The following SSBP2 variants were observed in gnomAD, a reference collection of about 807,000 sequenced individuals.
The protein encoded by SSBP2 is single stranded DNA binding protein 2.
SSBP2 carries 17 observed loss-of-function variants against 61.8 expected under a neutral mutation model. The ratio of observed to expected loss-of-function variants is 0.28; its 90% CI spans 0.19 to 0.41. SSBP2 has a LOEUF of 0.41. SSBP2 is among the 10% of genes least tolerant of loss of function. The pLI is 1.00. For missense variants in SSBP2, 310 were observed against 458.7 expected (o/e 0.68, Z 2.96); for synonymous variants, 139 against 141.3 (o/e 0.98, Z 0.12).
chr5:81,458,816 C>T (rs1764342518), intron 10 of SSBP2, among the ~76,000 whole-genome samples: 1 of 152,132 alleles, frequency 6.6e-6, no homozygotes, highest in Non-Finnish European at 1.5e-5. Context: ...AGCCCTAGGT[C>T]TTTGCTAGAA....
chr5:81,443,532 T>C (rs936540272), intron 12 of SSBP2, among the ~76,000 whole-genome samples: 2 of 152,132 alleles, frequency 1.3e-5, no homozygotes, highest in African/African-American at 4.8e-5. Flanking sequence ...CATTATACAG[T>C]TTTCTTAAAT....
intron 1 of SSBP2, among the ~76,000 whole-genome samples, chr5:81,714,589 C>T (rs573498886): frequency 6.6e-6 from 1 of 152,268 alleles, no homozygotes; most frequent in African/African-American, 2.4e-5. Flanking sequence ...TAATGATTGC[C>T]ATTCTAACTG....
chr5:81,443,822 A>C (rs991146798), intron 12 of SSBP2, among the ~76,000 whole-genome samples: 5 of 152,200 alleles, frequency 3.3e-5, no homozygotes, highest in African/African-American at 1.2e-4. Flanking sequence ...TTGGCCTCCC[A>C]AAGTGCTGGG....
At chr5:81,437,335 A>C (rs559737790) in intron 15 of SSBP2, 95 bp downstream of exon 15, 32 of 1,216,318 alleles carry the variant, frequency 2.6e-5, no homozygotes, top group Middle Eastern at 2.1e-4. Context: ...ACTCTTGTTC[A>C]AGAACAAAAT....
intron 4 of SSBP2, among the ~76,000 whole-genome samples, chr5:81,548,151 T>C (rs1561528084): frequency 6.6e-6 from 1 of 152,226 alleles, no homozygotes; most frequent in Non-Finnish European, 1.5e-5. Flanking sequence ...TTGATATTGA[T>C]GGCAGCTGAC....
At chr5:81,493,839 T>C (rs1429452194) in intron 5 of SSBP2, among the ~76,000 whole-genome samples, 1 of 152,120 alleles carries the variant, frequency 6.6e-6, no homozygotes, top group Admixed American at 6.6e-5. Flanking sequence ...CTCAAGTGAT[T>C]ATCCTGCCTT....
intron 12 of SSBP2, among the ~76,000 whole-genome samples, chr5:81,444,982 G>A (rs973678019): frequency 3.3e-5 from 5 of 150,876 alleles, no homozygotes; most frequent in African/African-American, 9.7e-5. Flanking sequence ...AATTAGCCGG[G>A]CATGGTGGCA....
intron 4 of SSBP2, among the ~76,000 whole-genome samples, chr5:81,518,729 T>G (rs140666334): frequency 7.8e-4 from 118 of 152,226 alleles, no homozygotes; most frequent in African/African-American, 2.8e-3. Context: ...CAGTAAAATA[T>G]TTTGGCTATT....
chr5:81,716,273 ATAG>A (rs1253784372), intron 1 of SSBP2, among the ~76,000 whole-genome samples: 2 of 152,176 alleles, frequency 1.3e-5, no homozygotes, highest in East Asian at 3.8e-4. Flanking sequence ...GATAAGGGTA[ATAG>A]TAGCCACTGT....
At chr5:81,558,038 C>T (rs897859906) in intron 4 of SSBP2, among the ~76,000 whole-genome samples, 1 of 152,188 alleles carries the variant, frequency 6.6e-6, no homozygotes, top group Admixed American at 6.5e-5. Flanking sequence ...AGATGGCACT[C>T]AAGCAGCATG....
intron 1 of SSBP2, among the ~76,000 whole-genome samples, chr5:81,750,180 C>A (rs1757634699): frequency 6.6e-6 from 1 of 151,970 alleles, no homozygotes; most frequent in Non-Finnish European, 1.5e-5. Context: ...ACTTTAGCTC[C>A]CCGGGAACTC....
intron 4 of SSBP2, among the ~76,000 whole-genome samples, chr5:81,588,887 A>T (rs1775278843): frequency 6.6e-6 from 1 of 152,088 alleles, no homozygotes; most frequent in Non-Finnish European, 1.5e-5. Context: ...AACGTGATAA[A>T]ACCCTTTCTT....
At chr5:81,653,318 G>A (rs1199828690) in intron 1 of SSBP2, among the ~76,000 whole-genome samples, 1 of 152,176 alleles carries the variant, frequency 6.6e-6, no homozygotes, top group Non-Finnish European at 1.5e-5. Flanking sequence ...CAGTGTATAT[G>A]TGCCACATTT....
At chr5:81,617,144 A>C (rs2153612600) in intron 3 of SSBP2, among the ~76,000 whole-genome samples, 1 of 50,828 alleles carries the variant, frequency 2.0e-5, no homozygotes, top group African/African-American at 8.1e-5. Context: ...TCAGACGATC[A>C]AATTACTCTG....
At chr5:81,482,224 G>A (rs1191057572) in intron 6 of SSBP2, among the ~76,000 whole-genome samples, 2 of 152,136 alleles carry the variant, frequency 1.3e-5, no homozygotes, top group African/African-American at 4.8e-5. Context: ...GATTACAGAT[G>A]TGAGCCACGT....
chr5:81,665,846 T>C (rs145508958), intron 1 of SSBP2, among the ~76,000 whole-genome samples: 40 of 152,310 alleles, frequency 2.6e-4, no homozygotes, highest in African/African-American at 9.6e-4. Flanking sequence ...CTCTTATTCC[T>C]GTATAATTCC....
At chr5:81,738,912 C>G (rs1011142557) in intron 1 of SSBP2, among the ~76,000 whole-genome samples, 1 of 152,066 alleles carries the variant, frequency 6.6e-6, no homozygotes, top group African/African-American at 2.4e-5. Flanking sequence ...CGTCTGTAAT[C>G]CCAGCACTTT....
intron 1 of SSBP2, among the ~76,000 whole-genome samples, chr5:81,707,218 T>C (rs1754456708): frequency 6.6e-6 from 1 of 151,998 alleles, no homozygotes; most frequent in Admixed American, 6.6e-5. Context: ...TACTAAAAGG[T>C]AAATGTTATA....
chr5:81,509,256 G>T (rs1268220270), intron 5 of SSBP2, among the ~76,000 whole-genome samples: 2 of 152,088 alleles, frequency 1.3e-5, no homozygotes, highest in African/African-American at 4.8e-5. Flanking sequence ...GCCTTGTACT[G>T]AACTAATAAT....
Sources: allele counts gnomAD v4.1 joint callset (sites outside exome capture counted in the v4.1 genomes callset), GRCh38; gene constraint gnomAD v4.1.1; transcripts MANE v1.5; gene names NCBI Gene and HGNC (gene_info 2026-07-23, HGNC 2026-07-21).